The following TLE1 variants were observed in gnomAD, a reference collection of about 807,000 sequenced individuals.
The protein encoded by TLE1 is transducin-like enhancer protein 1.
A neutral mutation model predicts 89.8 loss-of-function variants in TLE1; 21 were observed. The observed-to-expected ratio is 0.23, with a 90% CI of 0.17 to 0.34. The LOEUF is 0.34. Ranked by LOEUF, TLE1 falls within the 10% of genes least tolerant of loss-of-function variation. The pLI is 1.00. For missense variants in TLE1, 795 were observed against 1,031.2 expected, an observed-to-expected ratio of 0.77 and a Z score of 3.14; for synonymous variants, 447 against 407.6, an observed-to-expected ratio of 1.10 and a Z score of -1.16.
intron 4 of TLE1, among the ~76,000 whole-genome samples, chr9:81,672,091 G>C (rs933234848): frequency 1.3e-5 from 2 of 152,196 alleles, no homozygotes; most frequent in East Asian, 3.9e-4. Context: ...TAAGCAGAAA[G>C]AGCCATGAAC....
intron 11 of TLE1, among the ~76,000 whole-genome samples, chr9:81,615,348 C>T (rs71498446): frequency 6.7e-6 from 1 of 148,918 alleles, no homozygotes; most frequent in East Asian, 2.0e-4. Context: ...AAAAAAGAAT[C>T]TCAGAAGTTT....
At chr9:81,659,370 C>A (rs1252822195) in intron 4 of TLE1, among the ~76,000 whole-genome samples, 1 of 152,140 alleles carries the variant, frequency 6.6e-6, no homozygotes, top group Non-Finnish European at 1.5e-5. Flanking sequence ...AATTTTCCTA[C>A]CCAATGATGA....
intron 4 of TLE1, among the ~76,000 whole-genome samples, chr9:81,669,769 A>G (rs1247615091): frequency 6.6e-6 from 1 of 152,204 alleles, no homozygotes; most frequent in Non-Finnish European, 1.5e-5. Flanking sequence ...TATTCTTGGG[A>G]ACCCAGAGTC....
At chr9:81,620,605 T>C (rs752552540) in intron 8 of TLE1, 48 bp from the exon 9 acceptor site, 4 of 1,590,088 alleles carry the variant, frequency 2.5e-6, no homozygotes, top group Non-Finnish European at 3.4e-6. Context: ...AGCCTCTTTG[T>C]ACACATGAAA....
At chr9:81,661,849 T>A (rs902342602) in intron 4 of TLE1, among the ~76,000 whole-genome samples, 3 of 152,100 alleles carry the variant, frequency 2.0e-5, no homozygotes, top group Non-Finnish European at 2.9e-5. Flanking sequence ...TTCAGGAAGT[T>A]AAGGCAATTT....
At chr9:81,680,937 A>T (rs1833540112) in intron 4 of TLE1, among the ~76,000 whole-genome samples, 2 of 150,942 alleles carry the variant, frequency 1.3e-5, no homozygotes, top group Admixed American at 6.6e-5. Flanking sequence ...GTTAAAAAAA[A>T]AAAACAAAAA....
At chr9:81,638,319 T>A (rs1827667849) in intron 6 of TLE1, among the ~76,000 whole-genome samples, 1 of 152,202 alleles carries the variant, frequency 6.6e-6, no homozygotes, top group Non-Finnish European at 1.5e-5. Flanking sequence ...CTGGCTTTTC[T>A]CAGAAGTAGA....
chr9:81,632,090 CA>C (rs373883513), intron 8 of TLE1, among the ~76,000 whole-genome samples: 27 of 142,192 alleles, frequency 1.9e-4, no homozygotes, highest in South Asian at 2.2e-4. Context: ...GACTCCATCT[CA>C]AAAAAAAAAA....
intron 8 of TLE1, among the ~76,000 whole-genome samples, chr9:81,629,576 A>AC (rs1439717878): frequency 6.6e-6 from 1 of 152,242 alleles, no homozygotes; most frequent in Non-Finnish European, 1.5e-5. Flanking sequence ...ATGTGTCACT[A>AC]AACAACAGGG....
At chr9:81,684,926 C>A (rs1834076401) in intron 4 of TLE1, among the ~76,000 whole-genome samples, 1 of 152,144 alleles carries the variant, frequency 6.6e-6, no homozygotes. Context: ...CTTATGAGGT[C>A]CTTAGTGCCT....
chr9:81,660,143 C>T (rs1830586381), intron 4 of TLE1, among the ~76,000 whole-genome samples: 2 of 152,084 alleles, frequency 1.3e-5, no homozygotes, highest in South Asian at 4.1e-4. Context: ...ATTACGAGAA[C>T]ACGACTCCTA....
chr9:81,620,771 G>A lies in TLE1; in HGVS notation c.595-214C>T, dbSNP rs143607655. The A allele has an allele frequency of 5.4e-4, 532 of 980,412 alleles. 4 individuals are homozygous for A. The African/African-American group carries it at 8.1e-3, about 15-fold the overall frequency. 60.7% of individuals were successfully genotyped at this position (980,412 alleles called of 1,614,324 possible). ...TGACTTTGCAATCAAACCATCCAAA[G>A]CTAGGTGGATTCTTCAGGCCTCCTT... is the stretch of plus-strand genomic sequence containing the variant. On this transcript the variant is annotated intron_variant, in intron 8 of 19. Coordinates refer to ENST00000376499, the MANE Select transcript of TLE1 (RefSeq NM_005077.5).
chr9:81,589,280 C>A (rs993447672), intron 16 of TLE1, among the ~76,000 whole-genome samples: 1 of 152,200 alleles, frequency 6.6e-6, no homozygotes, highest in African/African-American at 2.4e-5. Context: ...TGCTGACATA[C>A]AGTACCTGGC....
At chr9:81,613,866 T>C (rs1824034120) in intron 11 of TLE1, among the ~76,000 whole-genome samples, 1 of 151,716 alleles carries the variant, frequency 6.6e-6, no homozygotes, top group South Asian at 2.1e-4. Context: ...CAGAAACACA[T>C]GTCCTGGCCG....
intron 16 of TLE1, among the ~76,000 whole-genome samples, chr9:81,590,595 A>C (rs886695586): frequency 6.6e-6 from 1 of 152,248 alleles, no homozygotes; most frequent in African/African-American, 2.4e-5. Flanking sequence ...AAGGAGATAG[A>C]AAGTCTCGGG....
intron 6 of TLE1, among the ~76,000 whole-genome samples, chr9:81,643,804 G>A (rs1828472756): frequency 6.6e-6 from 1 of 152,118 alleles, no homozygotes; most frequent in African/African-American, 2.4e-5. Flanking sequence ...CCAAACTGCT[G>A]GGATTACATG....
chr9:81,625,961 A>AATG (rs1825856981), intron 8 of TLE1, among the ~76,000 whole-genome samples: 3 of 147,056 alleles, frequency 2.0e-5, no homozygotes, highest in Admixed American at 2.0e-4. Flanking sequence ...CTGCCCTGTC[A>AATG]ATGCTATCAA....
chr9:81,673,036 G>A (rs1832423092), intron 4 of TLE1, among the ~76,000 whole-genome samples: 1 of 152,044 alleles, frequency 6.6e-6, no homozygotes. Flanking sequence ...ACTTTGGGAG[G>A]CTGAGGGAGG....
chr9:81,604,055 C>T (rs149014733), intron 14 of TLE1, among the ~76,000 whole-genome samples: 42 of 152,156 alleles, frequency 2.8e-4, no homozygotes, highest in Non-Finnish European at 5.7e-4. Flanking sequence ...CTGCTCTGGT[C>T]GCTTCTTTGG....
Sources: allele counts gnomAD v4.1 joint callset (sites outside exome capture counted in the v4.1 genomes callset), GRCh38; gene constraint gnomAD v4.1.1; transcripts MANE v1.5; gene names NCBI Gene and HGNC (gene_info 2026-07-23, HGNC 2026-07-21).